The following DOCK4 variants were observed in gnomAD, a reference collection of about 807,000 sequenced individuals.
DOCK4 encodes dedicator of cytokinesis protein 4.
In DOCK4, 97 loss-of-function variants were observed where a neutral mutation model predicts 268.1. The ratio of observed to expected loss-of-function variants is 0.36; its 90% confidence interval spans 0.31 to 0.43. The LOEUF (loss-of-function observed/expected upper bound fraction) is 0.43. Ranked by LOEUF, DOCK4 falls within the 20% of genes least tolerant of loss-of-function variation. The pLI is 1.00. For missense variants in DOCK4, 2,145 were observed against 2,455.7 expected (o/e 0.87, Z 2.67); for synonymous variants, 954 against 887.2 (o/e 1.08, Z -1.34).
intron 44 of DOCK4, among the ~76,000 whole-genome samples, 174 bp downstream of exon 44, chr7:111,746,160 G>A (rs6951280): frequency 2.6e-5 from 4 of 152,038 alleles, no homozygotes; most frequent in South Asian, 2.1e-4. Flanking sequence ...TTTTTGCATC[G>A]GAGTGGGAAG....
intron 23 of DOCK4, 126 bp from the exon 24 acceptor site, chr7:111,847,252 T>C (rs1451970525): frequency 8.4e-7 from 1 of 1,186,172 alleles, no homozygotes; most frequent in Non-Finnish European, 1.2e-6. Flanking sequence ...TACAAAGGTA[T>C]TAGTTCTACA....
chr7:111,987,372 T>A (rs765256237), intron 6 of DOCK4, among the ~76,000 whole-genome samples: 1 of 152,220 alleles, frequency 6.6e-6, no homozygotes, highest in South Asian at 2.1e-4. Context: ...CTGTGTTATT[T>A]TGGATAAGCT....
At chr7:111,939,702 C>A (rs957896634) in intron 11 of DOCK4, among the ~76,000 whole-genome samples, 2 of 152,024 alleles carry the variant, frequency 1.3e-5, no homozygotes, top group Non-Finnish European at 2.9e-5. Context: ...TTAGGGCAGG[C>A]CCAGCAAACT....
chr7:111,936,246 A>G (rs1180205303), intron 11 of DOCK4, among the ~76,000 whole-genome samples: 1 of 152,214 alleles, frequency 6.6e-6, no homozygotes, highest in Non-Finnish European at 1.5e-5. Context: ...TTTACCAAAG[A>G]ATAATAAAAT....
At chr7:111,897,252 G>T (rs1808830844) in intron 15 of DOCK4, among the ~76,000 whole-genome samples, 1 of 151,754 alleles carries the variant, frequency 6.6e-6, no homozygotes, top group Non-Finnish European at 1.5e-5. Context: ...CATCTTATTT[G>T]AACTACCACT....
intron 25 of DOCK4, among the ~76,000 whole-genome samples, chr7:111,839,279 C>A (rs190899699): frequency 6.6e-6 from 1 of 152,116 alleles, no homozygotes. Flanking sequence ...CTTAACTATG[C>A]CTTGACTTAA....
At chr7:112,146,051 C>T (rs1029144515) in intron 1 of DOCK4, among the ~76,000 whole-genome samples, 2 of 152,126 alleles carry the variant, frequency 1.3e-5, no homozygotes, top group South Asian at 2.1e-4. Flanking sequence ...GTCCACATAA[C>T]GAAGCCAAGG....
intron 30 of DOCK4, among the ~76,000 whole-genome samples, chr7:111,798,685 CA>C (rs1218961009): frequency 8.5e-5 from 13 of 152,210 alleles, no homozygotes; most frequent in Admixed American, 6.5e-4. Flanking sequence ...ACAAGAAATA[CA>C]AAAGGAGGAT....
intron 14 of DOCK4, 52 bp from the exon 15 acceptor site, chr7:111,900,588 T>C: frequency 1.3e-6 from 2 of 1,558,684 alleles, no homozygotes; most frequent in Non-Finnish European, 1.7e-6. Flanking sequence ...TAAAGATCTT[T>C]TGAAAAGGCA....
intron 1 of DOCK4, among the ~76,000 whole-genome samples, chr7:112,090,295 T>C (rs1056933344): frequency 6.6e-6 from 1 of 152,126 alleles, no homozygotes. Context: ...TAATTATATT[T>C]TGAGATTGGG....
intron 1 of DOCK4, among the ~76,000 whole-genome samples, chr7:112,186,308 G>C (rs1819493142): frequency 6.6e-6 from 1 of 152,158 alleles, no homozygotes; most frequent in South Asian, 2.1e-4. Flanking sequence ...AAAACAAAGA[G>C]TAATGAAGAC....
At chr7:111,897,518 T>C (rs1312064300) in intron 15 of DOCK4, among the ~76,000 whole-genome samples, 1 of 152,184 alleles carries the variant, frequency 6.6e-6, no homozygotes, top group Admixed American at 6.5e-5. Flanking sequence ...AAATTAGTGA[T>C]GTGCTGGAGC....
chr7:111,834,890 T>C (rs1211171225), intron 25 of DOCK4, among the ~76,000 whole-genome samples: 1 of 152,094 alleles, frequency 6.6e-6, no homozygotes, highest in Non-Finnish European at 1.5e-5. Flanking sequence ...TTTATTTACT[T>C]GGTATTCACA....
intron 1 of DOCK4, among the ~76,000 whole-genome samples, chr7:112,092,301 G>A (rs1809712596): frequency 6.6e-6 from 1 of 152,064 alleles, no homozygotes; most frequent in Non-Finnish European, 1.5e-5. Flanking sequence ...CACTTATCAA[G>A]TTCCTACCAC....
intron 1 of DOCK4, among the ~76,000 whole-genome samples, chr7:112,149,191 G>A (rs1163870317): frequency 5.9e-5 from 9 of 152,092 alleles, no homozygotes; most frequent in Non-Finnish European, 1.0e-4. Context: ...GTGCAACTGC[G>A]CGGCCCTTCC....
intron 1 of DOCK4, among the ~76,000 whole-genome samples, chr7:112,151,325 G>A (rs1299657318): frequency 6.6e-6 from 1 of 152,082 alleles, no homozygotes; most frequent in Non-Finnish European, 1.5e-5. Context: ...TCATAGGTCT[G>A]TAGGATGCCA....
At chr7:111,895,744 T>C (rs752403633) in intron 15 of DOCK4, 26 bp from the exon 16 acceptor site, 14 of 1,599,078 alleles carry the variant, frequency 8.8e-6, no homozygotes, top group Non-Finnish European at 1.2e-5. Context: ...TACTTGCTTA[T>C]TTAAGTGTAT....
chr7:112,055,148 T>G (rs1805701238), intron 1 of DOCK4, among the ~76,000 whole-genome samples: 1 of 152,204 alleles, frequency 6.6e-6, no homozygotes, highest in Non-Finnish European at 1.5e-5. Context: ...AAAGGTTAAG[T>G]TCCTGCAGCA....
intron 1 of DOCK4, among the ~76,000 whole-genome samples, chr7:112,017,236 G>A (rs1295522037): frequency 6.6e-6 from 1 of 152,124 alleles, no homozygotes; most frequent in Non-Finnish European, 1.5e-5. Flanking sequence ...TGGCTTAACT[G>A]ATTTTAACTA....
Sources: allele counts gnomAD v4.1 joint callset (sites outside exome capture counted in the v4.1 genomes callset), GRCh38; gene constraint gnomAD v4.1.1; transcripts MANE v1.5; gene names NCBI Gene and HGNC (gene_info 2026-07-23, HGNC 2026-07-21).